Variants in KCNT2 observed in about 807,000 individuals in gnomAD.
The protein encoded by KCNT2 is potassium channel subfamily T member 2.
Under a neutral mutation model 153.8 loss-of-function variants are expected in KCNT2, and 67 were observed. That is an observed-to-expected ratio of 0.44 (90% CI 0.36 to 0.53). KCNT2 has a LOEUF of 0.53. KCNT2 is among the 20% of genes least tolerant of loss of function. The probability of loss-of-function intolerance (pLI) is 0.00; values close to 1 mark genes in which losing one functional copy is unlikely to be tolerated. For synonymous variants in KCNT2, 500 were observed against 458.8 expected, an observed-to-expected ratio of 1.09 and a Z score of -1.15; for missense variants, 975 against 1,354.8, an observed-to-expected ratio of 0.72 and a Z score of 4.40.
chr1:196,399,934 G>A (rs942024405), intron 12 of KCNT2, among the ~76,000 whole-genome samples: 10 of 151,912 alleles, frequency 6.6e-5, no homozygotes, highest in Non-Finnish European at 1.5e-4. Flanking sequence ...CCTTGATTTT[G>A]GACTTTGCAG....
intron 12 of KCNT2, among the ~76,000 whole-genome samples, chr1:196,419,398 T>C (rs1175044360): frequency 4.9e-5 from 7 of 142,092 alleles, no homozygotes; most frequent in African/African-American, 1.8e-4. Flanking sequence ...GTGTTCTCAT[T>C]GCTCAATTCT....
chr1:196,352,492 C>T (rs1448542418), intron 14 of KCNT2, among the ~76,000 whole-genome samples: 2 of 151,926 alleles, frequency 1.3e-5, no homozygotes, highest in East Asian at 1.9e-4. Flanking sequence ...TTTATTTGCA[C>T]AGAGGTGTTT....
chr1:196,513,054 T>A (rs1681762980), intron 1 of KCNT2, among the ~76,000 whole-genome samples: 1 of 152,166 alleles, frequency 6.6e-6, no homozygotes, highest in Non-Finnish European at 1.5e-5. Flanking sequence ...AATTTCCCCA[T>A]GCCTATCCTT....
chr1:196,247,349 C>T (rs1425522001), intron 26 of KCNT2, among the ~76,000 whole-genome samples: 1 of 152,088 alleles, frequency 6.6e-6, no homozygotes, highest in Non-Finnish European at 1.5e-5. Flanking sequence ...CTTCAACAGC[C>T]CTCTTTCAAT....
At position 196,242,188 on chromosome 1, in the gene KCNT2, C is replaced by A. The variant is rs567787710; in HGVS notation, c.3212-6118G>T. ...TTAAAGAATGTGGGACAAAACTATA[C>A]AGATTGTCTTCATAGTAAGGAACAT... On this transcript the variant is annotated intron_variant, in intron 26 of 27. Coordinates refer to ENST00000294725, the MANE Select transcript of KCNT2 (RefSeq NM_198503.5). Among the ~76,000 whole-genome samples, 6 of 152,158 alleles carry A rather than the reference C, an allele frequency of 3.9e-5. No individual in the cohort carries two copies. In the South Asian group the frequency reaches 8.3e-4, roughly 21 times the overall value.
chr1:196,387,748 A>G (rs1670118539), intron 13 of KCNT2, among the ~76,000 whole-genome samples: 1 of 151,650 alleles, frequency 6.6e-6, no homozygotes, highest in African/African-American at 2.4e-5. Flanking sequence ...TCTTCTACCT[A>G]TTTTTATTGG....
intron 1 of KCNT2, among the ~76,000 whole-genome samples, chr1:196,586,559 C>T (rs1049745995): frequency 2.6e-5 from 4 of 151,914 alleles, no homozygotes; most frequent in Non-Finnish European, 5.9e-5. Flanking sequence ...ATAAGAGTAC[C>T]TGATTTATCA....
At chr1:196,336,321 C>G (rs1395348310) in intron 16 of KCNT2, among the ~76,000 whole-genome samples, 1 of 152,034 alleles carries the variant, frequency 6.6e-6, no homozygotes, top group Non-Finnish European at 1.5e-5. Flanking sequence ...CTTCTGGCAT[C>G]TCACTCTTTG....
At chr1:196,566,012 T>C (rs574015928) in intron 1 of KCNT2, among the ~76,000 whole-genome samples, 3 of 152,072 alleles carry the variant, frequency 2.0e-5, no homozygotes, top group African/African-American at 7.2e-5. Flanking sequence ...AGATTATATA[T>C]GCTAATTAGC....
chr1:196,373,155 T>C lies in KCNT2; in HGVS notation c.1388A>G (p.His463Arg). ...ATATACTTACTGCCCTCTAGAGGTATGAACCAGTAGTGTAATAAGTGTAGA... is the reference window on the plus strand; with the variant it reads ...ATATACTTACTGCCCTCTAGAGGTACGAACCAGTAGTGTAATAAGTGTAGA... ...ATSTLITLLV[H>R]TSRGQEGQQS... The change falls in exon 14 of 28, where the codon CAT becomes CGT. Residue 463 changes from histidine to arginine, a missense_variant. His to Arg is a conservative substitution (Grantham distance 29). Transcript: ENST00000294725. 1 of 1,523,610 alleles carries C rather than the reference T, an allele frequency of 6.6e-7. No homozygotes were observed. Among genetic ancestry groups the C allele is most frequent in the Non-Finnish European group, 9.1e-7 (1 of 1,100,080 alleles). 94.4% of individuals were successfully genotyped at this position (1,523,610 alleles called of 1,614,324 possible).
At chr1:196,404,043 C>T (rs1383359477) in intron 12 of KCNT2, 4 of 356,124 alleles carry the variant, frequency 1.1e-5, no homozygotes, top group African/African-American at 2.2e-5. Flanking sequence ...TTATCCCAAA[C>T]TGAACTCATC....
At chr1:196,312,306 C>A (rs1275757845) in intron 21 of KCNT2, among the ~76,000 whole-genome samples, 2 of 151,588 alleles carry the variant, frequency 1.3e-5, no homozygotes, top group Non-Finnish European at 3.0e-5. Context: ...ACTATTCCTC[C>A]AGGGAATTTG....
chr1:196,453,392 C>T (rs933399534), intron 8 of KCNT2, among the ~76,000 whole-genome samples: 8 of 151,850 alleles, frequency 5.3e-5, no homozygotes, highest in African/African-American at 1.7e-4. Context: ...TCTTGTAAGG[C>T]AGCGCCATGA....
At chr1:196,496,514 A>G (rs946824889) in intron 1 of KCNT2, among the ~76,000 whole-genome samples, 10 of 152,066 alleles carry the variant, frequency 6.6e-5, no homozygotes, top group African/African-American at 2.4e-4. Flanking sequence ...CAATTTCACC[A>G]TAGGCTAATT....
intron 20 of KCNT2, among the ~76,000 whole-genome samples, chr1:196,316,650 C>A (rs1334172523): frequency 6.6e-6 from 1 of 151,622 alleles, no homozygotes; most frequent in African/African-American, 2.4e-5. Context: ...ATTGAATAAC[C>A]CGATTTCTTT....
intron 1 of KCNT2, among the ~76,000 whole-genome samples, chr1:196,503,749 C>T (rs1314972777): frequency 6.6e-6 from 1 of 152,174 alleles, no homozygotes. Flanking sequence ...CATGAACACA[C>T]TAACATGCAG....
intron 26 of KCNT2, among the ~76,000 whole-genome samples, chr1:196,240,763 T>A (rs1297118056): frequency 6.6e-6 from 1 of 151,996 alleles, no homozygotes; most frequent in Non-Finnish European, 1.5e-5. Flanking sequence ...TGGTCAGCAG[T>A]TTGAATTTTA....
rs1243670474 is a variant in KCNT2, at chr1:196,435,135, GTATGTATATATATATATATATATA to G, written c.639-5402_639-5379del. On this transcript the variant is annotated intron_variant, in intron 8 of 27. Transcript: ENST00000294725. ...GCAATAGATACTTATGTGTGTGTGT[GTATGTATATATATATATATATATA>G]TATATATATATATATATATATATGA... is the stretch of plus-strand genomic sequence containing the variant. Among the ~76,000 whole-genome samples, 152 of 76,872 alleles carry G rather than the reference GTATGTATATATATATATATATATA, an allele frequency of 2.0e-3. 1 individual carries two copies. The highest frequency in any genetic ancestry group is 6.8e-3 in the African/African-American group (142 of 20,754). 50.4% of individuals were successfully genotyped at this position (76,872 alleles called of 152,430 possible). A position where few individuals can be genotyped will look rare whatever the true frequency, so the allele number is the denominator to read the frequency against.
chr1:196,253,587 G>A (rs1227366309), intron 26 of KCNT2, among the ~76,000 whole-genome samples: 2 of 151,498 alleles, frequency 1.3e-5, no homozygotes, highest in African/African-American at 4.8e-5. Context: ...TTATAAAGGA[G>A]TTAATTCATC....
Sources: gnomAD v4.1 joint callset for allele counts (sites outside exome capture counted in the v4.1 genomes callset) on GRCh38, gnomAD v4.1.1 for gene constraint, MANE v1.5 for transcripts, NCBI Gene and HGNC (gene_info 2026-07-23, HGNC 2026-07-21) for gene names.